Variants in EFNA2 observed in about 807,000 individuals in gnomAD.
EFNA2 encodes ephrin-A2.
Under a neutral mutation model 19.7 loss-of-function variants are expected in EFNA2, and 18 were observed. The observed-to-expected ratio is 0.91, with a 90% CI of 0.63 to 1.35. EFNA2 has a LOEUF of 1.35. Ranked by LOEUF, EFNA2 falls within the 40% of genes most tolerant of loss-of-function variation. The pLI is 0.00. For missense variants in EFNA2, 303 were observed against 296.0 expected (o/e 1.02, Z -0.17); for synonymous variants, 187 against 137.8 (o/e 1.36, Z -2.50).
chr19:1,298,074 A>C (rs1229114975), intron 2 of EFNA2, among the ~76,000 whole-genome samples: 2 of 41,916 alleles, frequency 4.8e-5, no homozygotes, highest in Non-Finnish European at 7.6e-5. Context: ...CTCCATCACA[A>C]AAAAAAAAAA....
In EFNA2 at chr19:1,287,802, TGGTTTCAGCTGCG is replaced by T. The variant is rs2081473163; in HGVS notation, c.140+1496_140+1508del. On this transcript the variant is annotated intron_variant, in intron 1 of 3. Transcript: ENST00000215368. This position sits in a 1 kb window ranked among gnomAD's most constrained non-coding sequence, Gnocchi z 6.2. ...GCAGCGCTTCCCCGGCCCAAGTTTT[TGGTTTCAGCTGCG>T]GAATCTCCCGTCCCCAGCGTGGCCT... Among the ~76,000 whole-genome samples the T allele has an allele frequency of 6.6e-6, 1 of 152,244 alleles. No individual in the cohort carries two copies. The highest frequency in any genetic ancestry group is 1.5e-5 in the Non-Finnish European group (1 of 68,032).
chr19:1,286,255 C>G lies in EFNA2; in HGVS notation c.87C>G (p.Ala29=), dbSNP rs771168443. ...PPPPFARAED[A]ARANSDRYAV... is the part of the protein sequence containing the mutation. ...CGCCCTTCGCGCGCGCCGAGGACGCCGCCCGCGCCAACTCGGACCGCTACG... is the reference window on the plus strand; with the variant it reads ...CGCCCTTCGCGCGCGCCGAGGACGCGGCCCGCGCCAACTCGGACCGCTACG... Residue 29 remains alanine (A), a synonymous_variant, in exon 1 of 4, where the codon GCC becomes GCG. Coordinates refer to ENST00000215368, the MANE Select transcript of EFNA2 (RefSeq NM_001405.4). The surrounding 1 kb of genome is among the most constrained non-coding windows in gnomAD (Gnocchi z 5.6). The G allele has an allele frequency of 1.2e-5, 13 of 1,128,238 alleles. No individual in the cohort carries two copies. Among genetic ancestry groups the G allele is most frequent in the South Asian group, 9.7e-5 (5 of 51,568 alleles). 69.9% of individuals were successfully genotyped at this position (1,128,238 alleles called of 1,614,324 possible). A position where few individuals can be genotyped will look rare whatever the true frequency, so the allele number is the denominator to read the frequency against.
chr19:1,295,483 A>T lies in EFNA2; in HGVS notation c.141-62A>T, dbSNP rs1241775980. The T allele has an allele frequency of 2.1e-6, 3 of 1,420,646 alleles. No homozygotes were observed. The highest frequency in any genetic ancestry group is 2.8e-6 in the Non-Finnish European group (3 of 1,086,542). 88.0% of individuals were successfully genotyped at this position (1,420,646 alleles called of 1,614,324 possible). A position where few individuals can be genotyped will look rare whatever the true frequency, so the allele number is the denominator to read the frequency against. Reference sequence around the variant, plus strand: ...CCCCTGACCCTGGCCCTCCCCGCGCACCCCGACCCGTGCCCCGTTCCTCGC... The same window carrying T: ...CCCCTGACCCTGGCCCTCCCCGCGCTCCCCGACCCGTGCCCCGTTCCTCGC... On this transcript the variant is annotated intron_variant, in intron 1 of 3. Transcript: ENST00000215368. This position sits in a 1 kb window ranked among gnomAD's most constrained non-coding sequence, Gnocchi z 5.8.
rs1034938267 is a variant in EFNA2 at position 1,286,848 on chromosome 19, A to C, written c.140+540A>C. On this transcript the variant is annotated intron_variant, in intron 1 of 3. Coordinates refer to ENST00000215368, the MANE Select transcript of EFNA2 (RefSeq NM_001405.4). The surrounding 1 kb of genome is among the most constrained non-coding windows in gnomAD (Gnocchi z 5.6). ...CAGGACCCAGCATCTGCTTCACTCC[A>C]GGGGGCCAAGGGCCCAGCTTTGAAA... Among the ~76,000 whole-genome samples the C allele has an allele frequency of 5.9e-5, 9 of 152,170 alleles. No homozygotes were observed. Among genetic ancestry groups the C allele is most frequent in the African/African-American group, 2.2e-4 (9 of 41,442 alleles).
chr19:1,290,612 C>T (rs1465498983), intron 1 of EFNA2, among the ~76,000 whole-genome samples: 3 of 152,126 alleles, frequency 2.0e-5, no homozygotes, highest in Non-Finnish European at 4.4e-5. Flanking sequence ...GGTCCTGCCC[C>T]GGTGGCCGTG....
chr19:1,299,838 G>A lies in EFNA2; in HGVS notation c.535G>A (p.Glu179Lys), dbSNP rs1480458954. The change falls in exon 4 of 4, where the codon GAG (glutamate) becomes AAG (lysine). Residue 179 changes from glutamate (E) to lysine (K), a missense_variant. By Grantham distance (56) the Glu-to-Lys change is moderately conservative. Transcript: ENST00000215368. ...GCCACCCGCAGACGAGACCCTGTAC[G>A]AGGCTCCTGAGCCCATCTTCACCAG... ...YVRPTNETLY[E>K]APEPIFTSNN... The A allele has an allele frequency of 6.2e-7, 1 of 1,602,300 alleles. No homozygotes were observed. The highest frequency in any genetic ancestry group is 8.5e-7 in the Non-Finnish European group (1 of 1,177,108).
intron 1 of EFNA2, among the ~76,000 whole-genome samples, chr19:1,289,943 G>T (rs746985398): frequency 9.2e-5 from 14 of 152,154 alleles, no homozygotes; most frequent in Non-Finnish European, 2.1e-4. Flanking sequence ...CTCGGCATTG[G>T]GGGCGCTAGG....
chr19:1,296,072 T>C lies in EFNA2; in HGVS notation c.454+214T>C, dbSNP rs1200974864. Among the ~76,000 whole-genome samples the C allele has an allele frequency of 6.6e-6, 1 of 151,734 alleles. No individual in the cohort carries two copies. Among genetic ancestry groups the C allele is most frequent in the East Asian group, 1.9e-4 (1 of 5,152 alleles). On this transcript the variant is annotated intron_variant, in intron 2 of 3. Coordinates refer to ENST00000215368, the MANE Select transcript of EFNA2 (RefSeq NM_001405.4). The surrounding 1 kb of genome is among the most constrained non-coding windows in gnomAD (Gnocchi z 4.4). ...GGCCGCGGAGTGGGGCCAGGGCCGG[T>C]GCTGGCCACTGACCCACCCCGGTCA...
chr19:1,289,563 G>C (rs532259409), intron 1 of EFNA2, among the ~76,000 whole-genome samples: 1 of 152,242 alleles, frequency 6.6e-6, no homozygotes, highest in Non-Finnish European at 1.5e-5. Context: ...GCAGGGGCCT[G>C]TGGTCCCCGG....
Position 1,286,274 on chromosome 19 carries a change from C to A in EFNA2, c.106C>A (p.Arg36Ser). Residue 36 changes from arginine (R) to serine (S), a missense_variant, in exon 1 of 4, where the codon CGC becomes AGC. Arg to Ser is a moderately radical substitution (Grantham distance 110). Transcript: ENST00000215368. This position sits in a 1 kb window ranked among gnomAD's most constrained non-coding sequence, Gnocchi z 5.6. The part of the protein sequence containing the change: ...AEDAARANSD[R>S]YAVYWNRSNP... ...GGACGCCGCCCGCGCCAACTCGGAC[C>A]GCTACGCCGTCTACTGGAACCGCAG... 1 of 1,093,826 alleles carries A rather than the reference C, an allele frequency of 9.1e-7. No individual in the cohort carries two copies. The highest frequency in any genetic ancestry group is 2.3e-5 in the South Asian group (1 of 44,110). The allele number at this position is 1,093,826 out of a possible 1,614,324, so 67.8% of individuals were successfully genotyped here.
Position 1,295,619 on chromosome 19 carries a change from A to G in EFNA2, c.215A>G (p.Tyr72Cys). 6.2e-7 allele frequency: 1 copy of G among 1,611,534 alleles called. No homozygotes were observed. The highest frequency in any genetic ancestry group is 8.5e-7 in the Non-Finnish European group (1 of 1,179,424). ...EVSINDYLDI[Y>C]CPHYGAPLPP... ...AGCATCAATGACTACCTGGACATCT[A>G]CTGCCCGCACTATGGGGCGCCGCTG... Residue 72 changes from tyrosine to cysteine, a missense_variant, in exon 2 of 4, where the codon TAC becomes TGC. Physicochemically the swap from Tyr to Cys is radical, Grantham distance 194. Transcript: ENST00000215368. The surrounding 1 kb of genome is among the most constrained non-coding windows in gnomAD (Gnocchi z 5.8).
At position 1,287,824 on chromosome 19, in the gene EFNA2, C is replaced by T. The variant is rs114092030; in HGVS notation, c.140+1516C>T. Among the ~76,000 whole-genome samples, 2,056 of 152,366 alleles carry T rather than the reference C, an allele frequency of 0.013. 37 individuals are homozygous for T. Among genetic ancestry groups the T allele is most frequent in the African/African-American group, 0.038 (1,583 of 41,576 alleles). On this transcript the variant is annotated intron_variant, in intron 1 of 3. Transcript: ENST00000215368. The surrounding 1 kb of genome is among the most constrained non-coding windows in gnomAD (Gnocchi z 6.2). The stretch of plus-strand genomic sequence containing the variant: ...TTTTGGTTTCAGCTGCGGAATCTCC[C>T]GTCCCCAGCGTGGCCTGTCCTTTGT...
rs1267312141 is a variant in EFNA2 at position 1,286,406 on chromosome 19, C to G, written c.140+98C>G. 4.5e-6 allele frequency: 2 copies of G among 441,756 alleles called. No homozygotes were observed. The highest frequency in any genetic ancestry group is 9.4e-5 in the South Asian group (1 of 10,656). The allele number at this position is 441,756 out of a possible 1,614,324, so 27.4% of individuals were successfully genotyped here. A position where few individuals can be genotyped will look rare whatever the true frequency, so the allele number is the denominator to read the frequency against. On this transcript the variant is annotated intron_variant, in intron 1 of 3. Transcript: ENST00000215368. The surrounding 1 kb of genome is among the most constrained non-coding windows in gnomAD (Gnocchi z 5.6). ...CCCGGAGCTCCGGGCGCCCCCCACG[C>G]GCGCGCCGCCGCCGGGATGCGGGCG...
chr19:1,288,541 C>A (rs898864674), intron 1 of EFNA2, among the ~76,000 whole-genome samples: 1 of 152,006 alleles, frequency 6.6e-6, no homozygotes, highest in African/African-American at 2.4e-5. Flanking sequence ...CGGGGACAGC[C>A]GCGATGGGGG....
At position 1,295,769 on chromosome 19, in the gene EFNA2, G is replaced by A; in HGVS notation, c.365G>A (p.Gly122Glu). The change falls in exon 2 of 4, where the codon GGG becomes GAG. Residue 122 changes from glycine to glutamate, a missense_variant. By Grantham distance (98) the Gly-to-Glu change is moderately conservative. Transcript: ENST00000215368. The surrounding 1 kb of genome is among the most constrained non-coding windows in gnomAD (Gnocchi z 5.8). Reference protein sequence around the residue: ...WECNRPAAPGGPLKFSEKFQL... With the variant: ...WECNRPAAPGEPLKFSEKFQL... ...TGCAACCGGCCCGCGGCGCCCGGGG[G>A]GCCGCTCAAGTTCTCGGAGAAGTTC... The A allele has an allele frequency of 6.2e-6, 10 of 1,605,374 alleles. No homozygotes were observed. The highest frequency in any genetic ancestry group is 8.5e-6 in the Non-Finnish European group (10 of 1,177,222).
rs1352417461 is a variant in EFNA2, at chr19:1,294,656, G to C, written c.141-889G>C. On this transcript the variant is annotated intron_variant, in intron 1 of 3. Coordinates refer to ENST00000215368, the MANE Select transcript of EFNA2 (RefSeq NM_001405.4). This position sits in a 1 kb window ranked among gnomAD's most constrained non-coding sequence, Gnocchi z 5.8. ...CCGAGCTGGGCGGCAGGTGGAACTCGGCAGGCTGAGAGAGAGGGGGCGGTG... is the reference window on the plus strand; with the variant it reads ...CCGAGCTGGGCGGCAGGTGGAACTCCGCAGGCTGAGAGAGAGGGGGCGGTG... 6.6e-6 allele frequency among the ~76,000 whole-genome samples: 1 copy of C among 151,704 alleles called. No homozygotes were observed. The highest frequency in any genetic ancestry group is 1.5e-5 in the Non-Finnish European group (1 of 67,884).
Position 1,299,918 on chromosome 19 carries a change from C to A in EFNA2, c.615C>A (p.Pro205=). ...GCCGCCTCTTCCTCAGCACCATCCC[C>A]GTGCTCTGGACCCTCCTGGGTTCCT... is the stretch of plus-strand genomic sequence containing the variant. ...GGCRLFLSTI[P]VLWTLLGS Residue 205 remains proline (P), a synonymous_variant, in exon 4 of 4, where the codon CCC becomes CCA. Coordinates refer to ENST00000215368, the MANE Select transcript of EFNA2 (RefSeq NM_001405.4). The A allele has an allele frequency of 6.2e-7, 1 of 1,604,434 alleles. No individual in the cohort carries two copies. The highest frequency in any genetic ancestry group is 8.5e-7 in the Non-Finnish European group (1 of 1,179,022).
chr19:1,301,114 CAAA>C lies in EFNA2; in HGVS notation c.*1180_*1182del, dbSNP rs34167171. Among the ~76,000 whole-genome samples, 2 of 142,984 alleles carry C rather than the reference CAAA, an allele frequency of 1.4e-5. No individual in the cohort carries two copies. The highest frequency in any genetic ancestry group is 2.6e-5 in the African/African-American group (1 of 39,002). The allele number at this position is 142,984 out of a possible 152,430, so 93.8% of individuals were successfully genotyped here. A position where few individuals can be genotyped will look rare whatever the true frequency, so the allele number is the denominator to read the frequency against. On this transcript the variant is annotated 3_prime_UTR_variant, in exon 4 of 4. Coordinates refer to ENST00000215368, the MANE Select transcript of EFNA2 (RefSeq NM_001405.4). ...AGGACAAAAGGGAGGGAACCACTAC[CAAA>C]AAAAAAAAAAGAAACTCCTCCCCGA...
chr19:1,296,819 C>T lies in EFNA2; in HGVS notation c.454+961C>T, dbSNP rs187723063. Among the ~76,000 whole-genome samples, 865 of 152,250 alleles carry T rather than the reference C, an allele frequency of 5.7e-3. 12 individuals are homozygous for T. Among genetic ancestry groups the T allele is most frequent in the Admixed American group, 0.02 (312 of 15,302 alleles). ...GGGTCTTCATCTGAAGGTTGGGTGGCGGCAGCCTTGGGGATAGTCACATCT... is the reference window on the plus strand; with the variant it reads ...GGGTCTTCATCTGAAGGTTGGGTGGTGGCAGCCTTGGGGATAGTCACATCT... On this transcript the variant is annotated intron_variant, in intron 2 of 3. Transcript: ENST00000215368. The surrounding 1 kb of genome is among the most constrained non-coding windows in gnomAD (Gnocchi z 4.4).
Sources: allele counts gnomAD v4.1 joint callset (sites outside exome capture counted in the v4.1 genomes callset), GRCh38; gene constraint gnomAD v4.1.1; non-coding constraint Gnocchi (gnomAD v3.1); transcripts MANE v1.5; gene names NCBI Gene and HGNC (gene_info 2026-07-23, HGNC 2026-07-21).